MBNL1: variants seen among roughly 807,000 people sequenced by gnomAD.
MBNL1 encodes muscleblind like splicing regulator 1, also known as muscleblind-like protein 1.
MBNL1 carries 8 observed loss-of-function variants against 42.2 expected under a neutral mutation model. The observed-to-expected ratio is 0.19, with a 90% CI of 0.11 to 0.34. MBNL1 has a LOEUF of 0.34. MBNL1 is among the 10% of genes least tolerant of loss of function. The pLI, the probability that MBNL1 is intolerant of heterozygous loss-of-function variation, is 1.00. For missense variants in MBNL1, 309 were observed against 495.3 expected (o/e 0.62, Z 3.57); for synonymous variants, 169 against 173.9 (o/e 0.97, Z 0.22).
intron 2 of MBNL1, among the ~76,000 whole-genome samples, chr3:152,354,393 TG>T (rs1367620524): frequency 1.3e-5 from 2 of 152,156 alleles, no homozygotes; most frequent in African/African-American, 4.8e-5. Flanking sequence ...AGGTGGAGGC[TG>T]CCGTGAGGCG....
At chr3:152,413,556 A>C (rs552781669) in intron 2 of MBNL1, among the ~76,000 whole-genome samples, 1 of 152,228 alleles carries the variant, frequency 6.6e-6, no homozygotes, top group Non-Finnish European at 1.5e-5. Context: ...ATTCTAGCCT[A>C]GTGTAGAGAC....
At chr3:152,307,469 G>C (rs2063776848) in intron 2 of MBNL1, among the ~76,000 whole-genome samples, 2 of 152,124 alleles carry the variant, frequency 1.3e-5, no homozygotes, top group Non-Finnish European at 2.9e-5. Context: ...AAAATAACAA[G>C]GTGAGTTAAT....
chr3:152,270,124 C>T (rs1559958391), intron 1 of MBNL1, among the ~76,000 whole-genome samples: 1 of 151,950 alleles, frequency 6.6e-6, no homozygotes, highest in Non-Finnish European at 1.5e-5. Flanking sequence ...GAGTATGCGG[C>T]TGTTGGGATT....
Position 152,458,484 on chromosome 3 carries a change from C to G in MBNL1, c.1093-787C>G, listed in dbSNP as rs115339835. 2,732 of 333,652 alleles carry G rather than the reference C, an allele frequency of 8.2e-3. 62 individuals carry two copies. The highest frequency in any genetic ancestry group is 0.053 in the African/African-American group (2,511 of 47,584). 20.7% of individuals were successfully genotyped at this position (333,652 alleles called of 1,614,324 possible). On this transcript the variant is annotated intron_variant, in intron 8 of 9. Coordinates refer to ENST00000324210, the MANE Select transcript of MBNL1 (RefSeq NM_021038.5). ...GCATAGAGTAATGAGTTGCTTTGCT[C>G]AGGGTCACACAGCCAGTAAATGGAT...
intron 2 of MBNL1, among the ~76,000 whole-genome samples, chr3:152,379,720 AG>A (rs2097097204): frequency 6.6e-6 from 1 of 152,130 alleles, no homozygotes; most frequent in Non-Finnish European, 1.5e-5. Flanking sequence ...AGGTTGCAGT[AG>A]GGTTTTGTTT....
intron 2 of MBNL1, among the ~76,000 whole-genome samples, chr3:152,245,972 C>T (rs2032886929): frequency 6.6e-6 from 1 of 152,126 alleles, no homozygotes. Flanking sequence ...GTAGTCCCAG[C>T]TACTTTGGAG....
chr3:152,310,725 C>A (rs1250580505), intron 2 of MBNL1, among the ~76,000 whole-genome samples: 1 of 151,912 alleles, frequency 6.6e-6, no homozygotes, highest in African/African-American at 2.4e-5. Context: ...AACTAATATT[C>A]TAACAATACA....
intron 2 of MBNL1, among the ~76,000 whole-genome samples, chr3:152,319,754 C>T (rs996618561): frequency 6.7e-6 from 1 of 150,004 alleles, no homozygotes; most frequent in Non-Finnish European, 1.5e-5. Context: ...ATACAATGCT[C>T]AACATTTAAA....
intron 2 of MBNL1, among the ~76,000 whole-genome samples, chr3:152,356,251 C>T (rs955071870): frequency 1.5e-5 from 2 of 137,776 alleles, no homozygotes; most frequent in Non-Finnish European, 3.2e-5. Flanking sequence ...AAAAAAGCAC[C>T]CGAAAAACTT....
intron 2 of MBNL1, among the ~76,000 whole-genome samples, chr3:152,317,345 A>G (rs2072558374): frequency 6.6e-6 from 1 of 152,064 alleles, no homozygotes; most frequent in African/African-American, 2.4e-5. Flanking sequence ...TTTTTCAGAG[A>G]CAGTCTCACT....
Position 152,415,019 on chromosome 3 carries a change from A to G in MBNL1, c.253A>G (p.Asn85Asp). ...AACGCAGTTGGAGATAAATGGACGC[A>G]ATAACTTGATTCAGCAGAAGAACAT... ...LKTQLEINGR[N>D]NLIQQKNMAM... The change falls in exon 3 of 10, where the codon AAT becomes GAT. Residue 85 changes from asparagine to aspartate, a missense_variant. Physicochemically the swap from Asn to Asp is conservative, Grantham distance 23 (BLOSUM62 1). Coordinates refer to ENST00000324210, the MANE Select transcript of MBNL1 (RefSeq NM_021038.5). The G allele has an allele frequency of 6.2e-7, 1 of 1,609,502 alleles. No individual in the cohort carries two copies. Among genetic ancestry groups the G allele is most frequent in the Non-Finnish European group, 8.5e-7 (1 of 1,178,696 alleles).
chr3:152,281,134 A>G (rs544975112), intron 1 of MBNL1, among the ~76,000 whole-genome samples: 2 of 152,164 alleles, frequency 1.3e-5, no homozygotes, highest in East Asian at 3.8e-4. Context: ...GTGTGATCCC[A>G]TAGCTCTTAC....
At chr3:152,327,904 G>C (rs2081447256) in intron 2 of MBNL1, among the ~76,000 whole-genome samples, 1 of 151,804 alleles carries the variant, frequency 6.6e-6, no homozygotes, top group Non-Finnish European at 1.5e-5. Context: ...TGTTCTTGCT[G>C]ACCCAAAGAA....
At chr3:152,426,773 A>G (rs1357322846) in intron 3 of MBNL1, among the ~76,000 whole-genome samples, 3 of 152,256 alleles carry the variant, frequency 2.0e-5, no homozygotes, top group Non-Finnish European at 4.4e-5. Flanking sequence ...TAATTTGTGT[A>G]GAAATCCTGT....
chr3:152,292,803 C>G (rs2056708139), intron 1 of MBNL1, among the ~76,000 whole-genome samples: 1 of 149,060 alleles, frequency 6.7e-6, no homozygotes, highest in Non-Finnish European at 1.5e-5. Flanking sequence ...GGGTCTTACT[C>G]TGTTGCCCAG....
chr3:152,338,589 ACT>A, intron 2 of MBNL1: 6 of 985,198 alleles, frequency 6.1e-6, no homozygotes, highest in Non-Finnish European at 7.2e-6. Flanking sequence ...AGCCCCTAAG[ACT>A]CTGGGAGGAA....
intron 1 of MBNL1, among the ~76,000 whole-genome samples, chr3:152,272,909 C>T (rs1293720871): frequency 1.3e-5 from 2 of 152,122 alleles, no homozygotes; most frequent in African/African-American, 4.8e-5. Flanking sequence ...AAATGTGGTT[C>T]TTTTCTAGCC....
At chr3:152,318,535 T>A (rs2073876102) in intron 2 of MBNL1, among the ~76,000 whole-genome samples, 1 of 152,214 alleles carries the variant, frequency 6.6e-6, no homozygotes, top group African/African-American at 2.4e-5. Context: ...TATTCCACTG[T>A]GTGGTTCTAA....
intron 3 of MBNL1, among the ~76,000 whole-genome samples, chr3:152,432,075 G>A (rs2099014472): frequency 6.6e-6 from 1 of 152,178 alleles, no homozygotes; most frequent in Non-Finnish European, 1.5e-5. Flanking sequence ...CTAATAAGGT[G>A]TGATAGGCTA....
Sources: allele counts gnomAD v4.1 joint callset (sites outside exome capture counted in the v4.1 genomes callset), GRCh38; gene constraint gnomAD v4.1.1; transcripts MANE v1.5; gene names NCBI Gene and HGNC (gene_info 2026-07-23, HGNC 2026-07-21).